The following CRYBG3 variants were observed in gnomAD, a reference collection of about 807,000 sequenced individuals.
The protein encoded by CRYBG3 is crystallin beta-gamma domain containing 3, also known as very large A-kinase anchor protein.
In CRYBG3, 127 loss-of-function variants were observed where a neutral mutation model predicts 244.2. The ratio of observed to expected loss-of-function variants is 0.52; its 90% CI spans 0.45 to 0.60. The LOEUF (loss-of-function observed/expected upper bound fraction) is 0.60. CRYBG3 is among the 20% of genes least tolerant of loss of function. The pLI is 0.00. For missense variants in CRYBG3, 3,325 were observed against 3,442.5 expected (o/e 0.97, Z 0.85); for synonymous variants, 1,132 against 1,195.8 (o/e 0.95, Z 1.10).
At chr3:97,847,865 A>T (rs896514750) in intron 2 of CRYBG3, among the ~76,000 whole-genome samples, 3 of 152,232 alleles carry the variant, frequency 2.0e-5, no homozygotes, top group African/African-American at 7.2e-5. Context: ...GAAATTAATA[A>T]GTATTAACTT....
chr3:97,920,788 C>G lies in CRYBG3; in HGVS notation c.8241+5052C>G, dbSNP rs575214109. ...CAAGGGATCTGCCTGCCTCATCCTC[C>G]CAAAGTGCTGGGATTACAGGTGTGA... On this transcript the variant is annotated intron_variant, in intron 17 of 21. Coordinates refer to ENST00000389622, the MANE Select transcript of CRYBG3 (RefSeq NM_153605.4). Among the ~76,000 whole-genome samples, 171 of 152,314 alleles carry G rather than the reference C, an allele frequency of 1.1e-3. 1 individual carries two copies. Among genetic ancestry groups the G allele is most frequent in the African/African-American group, 4.0e-3 (166 of 41,586 alleles).
At chr3:97,912,417 A>G in intron 16 of CRYBG3, 141 bp downstream of exon 16, 2 of 448,654 alleles carry the variant, frequency 4.5e-6, no homozygotes, top group Non-Finnish European at 7.9e-6. Flanking sequence ...GGTCTATATT[A>G]ATTTTGCTTA....
At chr3:97,933,650 G>A in intron 17 of CRYBG3, 44 bp from the exon 18 acceptor site, 1 of 1,603,032 alleles carries the variant, frequency 6.2e-7, no homozygotes. Flanking sequence ...ATGTCACTGA[G>A]ATATGGCCAC....
intron 8 of CRYBG3, 63 bp downstream of exon 8, chr3:97,886,830 G>A: frequency 7.2e-7 from 1 of 1,381,026 alleles, no homozygotes; most frequent in Non-Finnish European, 9.8e-7. Flanking sequence ...TTCAATAGAT[G>A]ACATACATTT....
chr3:97,864,562 C>A lies in CRYBG3; in HGVS notation c.562C>A (p.Gln188Lys), dbSNP rs2039197720. Residue 188 changes from glutamine to lysine, a missense_variant, in exon 3 of 22, where the codon CAA becomes AAA. Gln to Lys is a moderately conservative substitution (Grantham distance 53). Transcript: ENST00000389622. ...AACCCAGACACATCCAACAGAAGAA[C>A]AAGACTCTAACTCATCCGAACTCTC... ...LRTQTHPTEE[Q>K]DSNSSELSDA... 6.5e-7 allele frequency: 1 copy of A among 1,535,756 alleles called. No homozygotes were observed. Among genetic ancestry groups the A allele is most frequent in the Non-Finnish European group, 8.7e-7 (1 of 1,146,738 alleles).
At chr3:97,924,841 T>C (rs1296183411) in intron 17 of CRYBG3, among the ~76,000 whole-genome samples, 2 of 152,242 alleles carry the variant, frequency 1.3e-5, no homozygotes, top group Admixed American at 6.5e-5. Context: ...TTAGGTAACA[T>C]ATTCAACATA....
At chr3:97,916,773 G>T (rs1017101197) in intron 17 of CRYBG3, among the ~76,000 whole-genome samples, 3 of 151,976 alleles carry the variant, frequency 2.0e-5, no homozygotes, top group African/African-American at 7.3e-5. Flanking sequence ...TAGAGTCTTG[G>T]CTGAGAACAA....
At chr3:97,834,420 G>A (rs1457562242) in intron 1 of CRYBG3, among the ~76,000 whole-genome samples, 1 of 152,134 alleles carries the variant, frequency 6.6e-6, no homozygotes, top group Non-Finnish European at 1.5e-5. Flanking sequence ...AGATATAGTA[G>A]AAATTTTTAC....
chr3:97,879,692 T>C lies in CRYBG3; in HGVS notation c.6844-12T>C. 6.3e-7 allele frequency: 1 copy of C among 1,591,266 alleles called. No homozygotes were observed. The highest frequency in any genetic ancestry group is 2.2e-5 in the East Asian group (1 of 44,480). On this transcript the variant is annotated splice_polypyrimidine_tract_variant and intron_variant, in intron 4 of 21. Transcript: ENST00000389622. ...TTTCTTAAAGCTTACTTTTCCACTT[T>C]TATTATTTCAGAATGTTGACAAACA...
At chr3:97,928,391 C>T (rs2040062623) in intron 17 of CRYBG3, among the ~76,000 whole-genome samples, 1 of 151,874 alleles carries the variant, frequency 6.6e-6, no homozygotes, top group Non-Finnish European at 1.5e-5. Flanking sequence ...ACAATAAACA[C>T]CAGGGCCTGC....
chr3:97,873,919 G>A lies in CRYBG3; in HGVS notation c.2725G>A (p.Ala909Thr). Residue 909 changes from alanine to threonine, a missense_variant, in exon 4 of 22, where the codon GCT (alanine) becomes ACT (threonine). Transcript: ENST00000389622. ...TGCTGGCCTTAAAGAGAATTGCCAA[G>A]CTGAGCTTTCTCCTGCTGCCTCCAA... ...SDAGLKENCQ[A>T]ELSPAASKYE... The A allele has an allele frequency of 6.5e-7, 1 of 1,535,958 alleles. No homozygotes were observed. Among genetic ancestry groups the A allele is most frequent in the Non-Finnish European group, 8.7e-7 (1 of 1,146,852 alleles).
At chr3:97,880,778 G>A (rs114980474) in intron 6 of CRYBG3, among the ~76,000 whole-genome samples, 15 of 152,234 alleles carry the variant, frequency 9.9e-5, no homozygotes, top group East Asian at 9.6e-4. Flanking sequence ...GTATAGTTTC[G>A]TATAGACCAC....
chr3:97,878,781 A>G (rs1021370443), intron 4 of CRYBG3, among the ~76,000 whole-genome samples: 18 of 152,240 alleles, frequency 1.2e-4, no homozygotes, highest in African/African-American at 3.9e-4. Flanking sequence ...TGTTCATGCA[A>G]CGCAGGGCAG....
At chr3:97,886,392 C>T (rs971674871) in intron 7 of CRYBG3, among the ~76,000 whole-genome samples, 4 of 151,886 alleles carry the variant, frequency 2.6e-5, no homozygotes, top group African/African-American at 9.7e-5. Context: ...AAAAACAAAG[C>T]AGAAACATTG....
chr3:97,874,661 C>T lies in CRYBG3; in HGVS notation c.3467C>T (p.Ala1156Val), dbSNP rs1360386336. The T allele has an allele frequency of 2.2e-5, 34 of 1,535,972 alleles. No homozygotes were observed. The highest frequency in any genetic ancestry group is 2.8e-5 in the Non-Finnish European group (32 of 1,146,834). Residue 1156 changes from alanine (A) to valine (V), a missense_variant, in exon 4 of 22, where the codon GCA becomes GTA. Ala to Val is a moderately conservative substitution (Grantham distance 64, BLOSUM62 0). This residue lies in a region of CRYBG3 where 1,526 missense variants were observed against 1,443.2 expected (regional missense o/e 1.06). Coordinates refer to ENST00000389622, the MANE Select transcript of CRYBG3 (RefSeq NM_153605.4). Reference sequence around the variant, plus strand: ...AATCTCGTGGAAGCAGAGACTGGAGCAGTTGCTGGGCCTGCAGCGTCAGTT... The same window carrying T: ...AATCTCGTGGAAGCAGAGACTGGAGTAGTTGCTGGGCCTGCAGCGTCAGTT... The part of the protein sequence containing the change: ...FDNLVEAETG[A>V]VAGPAASVNS...
At position 97,875,438 on chromosome 3, in the gene CRYBG3, A is replaced by T; in HGVS notation, c.4244A>T (p.Asp1415Val). Residue 1415 changes from aspartate to valine, a missense_variant, in exon 4 of 22, where the codon GAT (aspartate) becomes GTT (valine). Physicochemically the swap from Asp to Val is radical, Grantham distance 152. Transcript: ENST00000389622. The part of the protein sequence containing the change: ...LFSGNGSGLS[D>V]SINLQESDTV... ...TCTGGAAATGGATCTGGACTGTCTG[A>T]TAGTATAAATTTGCAGGAATCAGAT... is the stretch of plus-strand genomic sequence containing the variant. 1 of 1,346,578 alleles carries T rather than the reference A, an allele frequency of 7.4e-7. No individual in the cohort carries two copies. Among genetic ancestry groups the T allele is most frequent in the South Asian group, 2.2e-5 (1 of 45,548 alleles). The allele number at this position is 1,346,578 out of a possible 1,614,324, so 83.4% of individuals were successfully genotyped here.
chr3:97,925,499 TATA>T (rs1462593774), intron 17 of CRYBG3, among the ~76,000 whole-genome samples: 1 of 152,180 alleles, frequency 6.6e-6, no homozygotes, highest in South Asian at 2.1e-4. Context: ...GGGAATGAAA[TATA>T]GTAGTTACAA....
At chr3:97,849,858 A>G (rs1380784100) in intron 2 of CRYBG3, among the ~76,000 whole-genome samples, 2 of 152,082 alleles carry the variant, frequency 1.3e-5, no homozygotes, top group Non-Finnish European at 2.9e-5. Context: ...TGAAATACTT[A>G]TATCATAACA....
chr3:97,828,810 A>G (rs1165521405), intron 1 of CRYBG3, among the ~76,000 whole-genome samples: 1 of 149,164 alleles, frequency 6.7e-6, no homozygotes, highest in Non-Finnish European at 1.5e-5. Flanking sequence ...CCTGGGCAAT[A>G]AGAGTGAAAC....
Sources: allele counts gnomAD v4.1 joint callset (sites outside exome capture counted in the v4.1 genomes callset), GRCh38; gene constraint gnomAD v4.1.1; regional missense constraint gnomAD v4.1.1; transcripts MANE v1.5; gene names NCBI Gene and HGNC (gene_info 2026-07-23, HGNC 2026-07-21).